Variants in CIB2 observed in about 807,000 individuals in gnomAD.
CIB2 encodes calcium and integrin-binding family member 2.
A neutral mutation model predicts 23.1 loss-of-function variants in CIB2; 19 were observed. The ratio of observed to expected loss-of-function variants is 0.82; its 90% CI spans 0.57 to 1.21. CIB2 has a LOEUF of 1.21. CIB2 is among the 50% of genes most tolerant of loss of function. CIB2 has a pLI of 0.00. For missense variants in CIB2, 220 were observed against 241.5 expected, an observed-to-expected ratio of 0.91 and a Z score of 0.59; for synonymous variants, 94 against 91.7, an observed-to-expected ratio of 1.03 and a Z score of -0.14.
At position 78,105,947 on chromosome 15, in the gene CIB2, G is replaced by C. The variant is rs2074064627; in HGVS notation, c.347-13C>G. The stretch of plus-strand genomic sequence containing the variant: ...TCAGTGTTGAAGTCTGTAGGGCAGG[G>C]GTTGGACATGTTCAAGTCCAGGCTG... On this transcript the variant is annotated splice_polypyrimidine_tract_variant and intron_variant, in intron 4 of 5. Coordinates refer to ENST00000258930, the MANE Select transcript of CIB2 (RefSeq NM_006383.4). 1 of 1,611,626 alleles carries C rather than the reference G, an allele frequency of 6.2e-7. No homozygotes were observed. Among genetic ancestry groups the C allele is most frequent in the African/African-American group, 1.3e-5 (1 of 74,794 alleles).
intron 2 of CIB2, among the ~76,000 whole-genome samples, chr15:78,115,004 T>C (rs1468664935): frequency 6.6e-6 from 1 of 152,154 alleles, no homozygotes; most frequent in East Asian, 1.9e-4. Flanking sequence ...TATTCCAGAA[T>C]GCAAAGATAG....
intron 3 of CIB2, 170 bp from the exon 4 acceptor site, chr15:78,109,552 T>C (rs77809189): frequency 1.9e-5 from 14 of 729,346 alleles, no homozygotes; most frequent in Non-Finnish European, 2.8e-5. Flanking sequence ...AATTGGGTTG[T>C]GATGGGATTA....
intron 2 of CIB2, among the ~76,000 whole-genome samples, chr15:78,115,429 T>G (rs1332525458): frequency 1.3e-5 from 2 of 151,866 alleles, no homozygotes; most frequent in Non-Finnish European, 2.9e-5. Context: ...TCGGCTGATT[T>G]TTTTATATTT....
At chr15:78,128,708 A>G (rs1313092717) in intron 1 of CIB2, among the ~76,000 whole-genome samples, 7 of 149,450 alleles carry the variant, frequency 4.7e-5, no homozygotes, top group African/African-American at 1.7e-4. Flanking sequence ...AAAAAAAAAA[A>G]GGAAGAGAAA....
intron 1 of CIB2, among the ~76,000 whole-genome samples, chr15:78,127,869 AT>A (rs2074401884): frequency 6.6e-6 from 1 of 152,152 alleles, no homozygotes; most frequent in Admixed American, 6.5e-5. Flanking sequence ...AGTAGTTCCC[AT>A]TTTAGAGGTG....
chr15:78,111,156 T>C lies in CIB2; in HGVS notation c.198+9A>G, dbSNP rs2141891292. On this transcript the variant is annotated intron_variant, in intron 3 of 5. Coordinates refer to ENST00000258930, the MANE Select transcript of CIB2 (RefSeq NM_006383.4). ...TCCCCTGCTCGCCAGCAAGAGGTCC[T>C]GCACATACCCGGAGCTCTGGCATCT... 1 of 1,612,660 alleles carries C rather than the reference T, an allele frequency of 6.2e-7. No individual in the cohort carries two copies. Among genetic ancestry groups the C allele is most frequent in the Middle Eastern group, 1.7e-4 (1 of 6,060 alleles).
At chr15:78,128,727 T>G (rs1445041702) in intron 1 of CIB2, among the ~76,000 whole-genome samples, 20 of 128,800 alleles carry the variant, frequency 1.6e-4, no homozygotes, top group Admixed American at 2.4e-4. Flanking sequence ...AAGAAAGAGA[T>G]GAAGGAAGAG....
chr15:78,109,995 C>T (rs1006253683), intron 3 of CIB2, among the ~76,000 whole-genome samples: 13 of 152,086 alleles, frequency 8.5e-5, no homozygotes, highest in Admixed American at 5.2e-4. Context: ...ACTGGTGGCC[C>T]TCAGCTCAGG....
At chr15:78,110,951 G>A (rs2304828) in intron 3 of CIB2, among the ~76,000 whole-genome samples, 3,488 of 152,264 alleles carry the variant, frequency 0.023, 88 homozygotes, top group East Asian at 0.15. Context: ...GCCTGCAGTT[G>A]GGTGGCCACT....
At chr15:78,108,884 C>T (rs2141886069) in intron 4 of CIB2, among the ~76,000 whole-genome samples, 1 of 152,366 alleles carries the variant, frequency 6.6e-6, no homozygotes, top group South Asian at 2.1e-4. Context: ...CTCTGCGCTT[C>T]CCTGTGTCTG....
At chr15:78,127,774 G>T (rs907498041) in intron 1 of CIB2, among the ~76,000 whole-genome samples, 1 of 152,170 alleles carries the variant, frequency 6.6e-6, no homozygotes, top group Non-Finnish European at 1.5e-5. Flanking sequence ...GCACTGCCCA[G>T]GGGACCATCA....
chr15:78,116,182 G>A (rs2074238319), intron 2 of CIB2, among the ~76,000 whole-genome samples: 1 of 152,072 alleles, frequency 6.6e-6, no homozygotes, highest in African/African-American at 2.4e-5. Context: ...GGAGGGGCTG[G>A]GCACGGTGGC....
In CIB2 at chr15:78,131,093, C is replaced by A; in HGVS notation, c.51+72G>T. Reference sequence around the variant, plus strand: ...AGAGCTGGCTCTCGGGAGGCCTCGGCCAGCGACCGAGAAAAGGGAGGGGCG... The same window carrying A: ...AGAGCTGGCTCTCGGGAGGCCTCGGACAGCGACCGAGAAAAGGGAGGGGCG... On this transcript the variant is annotated intron_variant, in intron 1 of 5. Transcript: ENST00000258930. The surrounding 1 kb of genome is among the most constrained non-coding windows in gnomAD (Gnocchi z 5.8). The A allele has an allele frequency of 1.4e-6, 2 of 1,402,270 alleles. No individual in the cohort carries two copies. Among genetic ancestry groups the A allele is most frequent in the Non-Finnish European group, 9.6e-7 (1 of 1,037,938 alleles). The allele number at this position is 1,402,270 out of a possible 1,614,324, so 86.9% of individuals were successfully genotyped here.
intron 2 of CIB2, among the ~76,000 whole-genome samples, chr15:78,116,527 T>C (rs1208382203): frequency 6.6e-6 from 1 of 152,016 alleles, no homozygotes; most frequent in Non-Finnish European, 1.5e-5. Context: ...GCAAATAATA[T>C]GCCATTTTAT....
rs747419043 is a variant in CIB2 at position 78,131,121 on chromosome 15, G to T, written c.51+44C>A. The T allele has an allele frequency of 6.6e-7, 1 of 1,523,474 alleles. No homozygotes were observed. The highest frequency in any genetic ancestry group is 8.9e-7 in the Non-Finnish European group (1 of 1,129,052). The allele number at this position is 1,523,474 out of a possible 1,614,324, so 94.4% of individuals were successfully genotyped here. ...GCGACCGAGAAAAGGGAGGGGCGGC[G>T]GGGCGGCGGGGCCTGTGTTGGGGGC... On this transcript the variant is annotated intron_variant, in intron 1 of 5. Transcript: ENST00000258930. This position sits in a 1 kb window ranked among gnomAD's most constrained non-coding sequence, Gnocchi z 5.8.
At chr15:78,120,743 G>A in intron 2 of CIB2, 5 of 985,686 alleles carry the variant, frequency 5.1e-6, no homozygotes, top group Non-Finnish European at 6.0e-6. Flanking sequence ...AGTTGCCACA[G>A]AGCTGGGCCC....
intron 1 of CIB2, among the ~76,000 whole-genome samples, chr15:78,125,260 T>C (rs1352388257): frequency 6.6e-6 from 1 of 152,080 alleles, no homozygotes; most frequent in East Asian, 1.9e-4. Context: ...TCCAGAAACA[T>C]GGTGCAGAAT....
At position 78,106,820 on chromosome 15, in the gene CIB2, A is replaced by C. The variant is rs144339798; in HGVS notation, c.347-886T>G. Among the ~76,000 whole-genome samples the C allele has an allele frequency of 9.9e-5, 15 of 152,228 alleles. No individual in the cohort carries two copies. The East Asian group carries it at 2.7e-3, about 27-fold the overall frequency. On this transcript the variant is annotated intron_variant, in intron 4 of 5. Coordinates refer to ENST00000258930, the MANE Select transcript of CIB2 (RefSeq NM_006383.4). ...TTCTGTTGCCCATTGGCAAACTCTG[A>C]CATTAATGGTAGTGACAAAGACCCA...
At chr15:78,114,786 A>T (rs551819741) in intron 2 of CIB2, among the ~76,000 whole-genome samples, 1 of 152,090 alleles carries the variant, frequency 6.6e-6, no homozygotes, top group South Asian at 2.1e-4. Context: ...AAAAAAAAAA[A>T]AAAAATTAAA....
Sources: allele counts gnomAD v4.1 joint callset (sites outside exome capture counted in the v4.1 genomes callset), GRCh38; gene constraint gnomAD v4.1.1; non-coding constraint Gnocchi (gnomAD v3.1); transcripts MANE v1.5; gene names NCBI Gene and HGNC (gene_info 2026-07-23, HGNC 2026-07-21).